NBPF26: variants seen among roughly 807,000 people sequenced by gnomAD.
The protein encoded by NBPF26 is NBPF family member NBPF26.
In NBPF26, 79 loss-of-function variants were observed where a neutral mutation model predicts 119.6. The observed-to-expected ratio is 0.66, with a 90% confidence interval of 0.55 to 0.80. NBPF26 has a LOEUF of 0.80. NBPF26 is among the 30% of genes least tolerant of loss of function. NBPF26 has a pLI of 0.00. For synonymous variants in NBPF26, 299 were observed against 457.7 expected (o/e 0.65, Z 4.43); for missense variants, 800 against 1,198.2 (o/e 0.67, Z 4.91).
intron 2 of NBPF26, among the ~76,000 whole-genome samples, chr1:120,780,018 G>A (rs1424159628): frequency 7.6e-6 from 1 of 131,546 alleles, no homozygotes; most frequent in Middle Eastern, 3.4e-3. Context: ...GATTTGGCCT[G>A]TTATTCTACC....
At position 120,764,010 on chromosome 1, in the gene NBPF26, A is replaced by G. The variant is rs1398223008; in HGVS notation, c.155+301A>G. Among the ~76,000 whole-genome samples the G allele has an allele frequency of 1.0e-4, 12 of 115,030 alleles. 2 individuals are homozygous for G. The highest frequency in any genetic ancestry group is 7.6e-4 in the Admixed American group (9 of 11,894). The allele number at this position is 115,030 out of a possible 152,430, so 75.5% of individuals were successfully genotyped here. ...ATGCTGGTAATCCCAGCACTTCAGG[A>G]GGCTGAGTTGGGCGAATCACGAGGT... On this transcript the variant is annotated intron_variant, in intron 2 of 29. Transcript: ENST00000620612.
rs1651397634 is a variant in NBPF26, at chr1:120,784,255, A to G, written c.156-719A>G. ...GTCTAGTTTCACATAAAGCAAATAT[A>G]TGGTTCTGTACACCGGCTTTAGGAG... is the stretch of plus-strand genomic sequence containing the variant. On this transcript the variant is annotated intron_variant, in intron 2 of 29. Transcript: ENST00000620612. 1.7e-5 allele frequency among the ~76,000 whole-genome samples: 2 copies of G among 118,712 alleles called. 1 individual carries two copies. The highest frequency in any genetic ancestry group is 3.3e-5 in the Non-Finnish European group (2 of 61,528). The allele number at this position is 118,712 out of a possible 152,430, so 77.9% of individuals were successfully genotyped here.
At position 120,756,356 on chromosome 1, in the gene NBPF26, AT is replaced by A. The variant is rs1447842674; in HGVS notation, c.74-7269del. 1.7e-5 allele frequency among the ~76,000 whole-genome samples: 2 copies of A among 117,748 alleles called. 1 individual carries two copies. Among genetic ancestry groups the A allele is most frequent in the African/African-American group, 9.7e-5 (2 of 20,634 alleles). 77.2% of individuals were successfully genotyped at this position (117,748 alleles called of 152,430 possible). On this transcript the variant is annotated intron_variant, in intron 1 of 29. Coordinates refer to ENST00000620612, the Ensembl canonical transcript of NBPF26. ...CATCTCTCAAATATTGCTACTTGAA[AT>A]TTGCATAAACGTTGAAGAAAAAGTT...
At chr1:120,784,535 AT>A (rs1392622088) in intron 2 of NBPF26, among the ~76,000 whole-genome samples, 1 of 116,560 alleles carries the variant, frequency 8.6e-6, no homozygotes, top group Non-Finnish European at 1.6e-5. Context: ...CTCTCACCTT[AT>A]TTAGGTCTCA....
chr1:120,802,333 C>T (rs1334844513), intron 4 of NBPF26, among the ~76,000 whole-genome samples: 1 of 125,702 alleles, frequency 8.0e-6, no homozygotes, highest in East Asian at 2.0e-4. Flanking sequence ...GGGGTAGGAC[C>T]CATTGAGCTG....
chr1:120,805,983 G>A (rs1651672158), intron 5 of NBPF26, among the ~76,000 whole-genome samples: 1 of 110,560 alleles, frequency 9.0e-6, no homozygotes, highest in Admixed American at 8.9e-5. Context: ...TGGAACTAGA[G>A]TTAAACTCAC....
rs1462706878 is a variant in NBPF26 at position 120,804,634 on chromosome 1, G to C, written c.752-922G>C. ...CTTGAAAAGAGGTCTTGTGGCACTA[G>C]AATGACATCTATAAGTGACAAGTTT... On this transcript the variant is annotated intron_variant, in intron 4 of 29. Transcript: ENST00000620612. 5.0e-5 allele frequency among the ~76,000 whole-genome samples: 6 copies of C among 119,366 alleles called. 1 individual carries two copies. Among genetic ancestry groups the C allele is most frequent in the Non-Finnish European group, 9.9e-5 (6 of 60,734 alleles). 78.3% of individuals were successfully genotyped at this position (119,366 alleles called of 152,430 possible).
At chr1:120,823,615 T>A (rs1269564740) in intron 17 of NBPF26, among the ~76,000 whole-genome samples, 2 of 124,584 alleles carry the variant, frequency 1.6e-5, no homozygotes, top group Non-Finnish European at 3.3e-5. Flanking sequence ...GCAGGGAAAC[T>A]TGACCACATT....
chr1:120,840,705 G>A, downstream of NBPF26: 1 of 1,253,154 alleles, frequency 8.0e-7, no homozygotes, highest in Non-Finnish European at 1.1e-6. Context: ...GGATGGTTCA[G>A]TGGGCATGGC....
intron 1 of NBPF26, among the ~76,000 whole-genome samples, chr1:120,758,949 A>G (rs1173367713): frequency 1.9e-5 from 2 of 103,344 alleles, no homozygotes; most frequent in Non-Finnish European, 3.6e-5. Flanking sequence ...CTTTTTATAC[A>G]TTACTGGGTT....
Position 120,792,454 on chromosome 1 carries a change from A to C in NBPF26, c.416-707A>C, listed in dbSNP as rs1200390168. 3.1e-5 allele frequency among the ~76,000 whole-genome samples: 3 copies of C among 95,942 alleles called. 1 individual carries two copies. The highest frequency in any genetic ancestry group is 1.9e-5 in the Non-Finnish European group (1 of 52,400). The allele number at this position is 95,942 out of a possible 152,430, so 62.9% of individuals were successfully genotyped here. On this transcript the variant is annotated intron_variant, in intron 3 of 29. Coordinates refer to ENST00000620612, the Ensembl canonical transcript of NBPF26. ...GACTTTACAGAGGTTGGAACTTTTG[A>C]GTACAGTTGCCAAGATAGGGAGAGT...
rs1243195210 is a variant in NBPF26 at position 120,768,210 on chromosome 1, C to G, written c.155+4501C>G. On this transcript the variant is annotated intron_variant, in intron 2 of 29. Coordinates refer to ENST00000620612, the Ensembl canonical transcript of NBPF26. ...TTAGTCATGGGATAGGGCTCTTATT[C>G]CCAAGATGGGACCCTTCTAGGGGTT... 4.5e-4 allele frequency among the ~76,000 whole-genome samples: 51 copies of G among 114,436 alleles called. 19 individuals are homozygous for G. Among genetic ancestry groups the G allele is most frequent in the African/African-American group, 2.5e-3 (47 of 18,982 alleles). 75.1% of individuals were successfully genotyped at this position (114,436 alleles called of 152,430 possible).
At chr1:120,785,117 A>G (rs1309904304) in exon 3 of NBPF26, 1 of 1,446,212 alleles carries the variant, frequency 6.9e-7, no homozygotes, top group Non-Finnish European at 9.2e-7. Context: ...ACAGGAGAGG[A>G]CTGCCAGTAC....
At chr1:120,728,762 C>T (rs1490785872) in intron 1 of NBPF26, among the ~76,000 whole-genome samples, 1 of 114,602 alleles carries the variant, frequency 8.7e-6, no homozygotes, top group South Asian at 2.5e-4. Context: ...TTGGATATTG[C>T]AAACTTGTAC....
rs1553271035 is a variant in NBPF26, at chr1:120,811,950, C to G, written c.1629C>G (p.Gly543=). Residue 543 remains glycine (G), a synonymous_variant, in exon 10 of 30, where the codon GGC becomes GGG. Transcript: ENST00000620612. ...TGGTATCAGCCGGCCCTTTGTCCGGCGAGAAGGCAGCGATAAACATTCTAG... is the reference window on the plus strand; with the variant it reads ...TGGTATCAGCCGGCCCTTTGTCCGGGGAGAAGGCAGCGATAAACATTCTAG... 3.6e-5 allele frequency: 44 copies of G among 1,222,956 alleles called. 12 individuals carry two copies. The highest frequency in any genetic ancestry group is 2.9e-4 in the African/African-American group (10 of 34,244). 75.8% of individuals were successfully genotyped at this position (1,222,956 alleles called of 1,614,324 possible). A position where few individuals can be genotyped will look rare whatever the true frequency, so the allele number is the denominator to read the frequency against.
intron 1 of NBPF26, among the ~76,000 whole-genome samples, chr1:120,750,506 C>A (rs1484206709): frequency 9.4e-6 from 1 of 106,922 alleles, no homozygotes; most frequent in East Asian, 2.2e-4. Flanking sequence ...GGAGTACTAT[C>A]AGATGCCTTG....
chr1:120,814,636 C>T lies in NBPF26; in HGVS notation c.1878-193C>T, dbSNP rs1379454824. 2.4e-5 allele frequency among the ~76,000 whole-genome samples: 3 copies of T among 123,384 alleles called. 1 individual carries two copies. The highest frequency in any genetic ancestry group is 5.0e-5 in the Non-Finnish European group (3 of 60,384). The allele number at this position is 123,384 out of a possible 152,430, so 80.9% of individuals were successfully genotyped here. ...ACATCATCGAGGATCTTGCAAGAGCCCTCTCTGATTCAGAGGAAGCCTGTA... is the reference window on the plus strand; with the variant it reads ...ACATCATCGAGGATCTTGCAAGAGCTCTCTCTGATTCAGAGGAAGCCTGTA... On this transcript the variant is annotated intron_variant, in intron 11 of 29. Coordinates refer to ENST00000620612, the Ensembl canonical transcript of NBPF26.
At chr1:120,758,998 A>G (rs1651105355) in intron 1 of NBPF26, among the ~76,000 whole-genome samples, 2 of 111,542 alleles carry the variant, frequency 1.8e-5, no homozygotes, top group Admixed American at 1.7e-4. Context: ...ACTGTCCTAA[A>G]TTATTTTATT....
intron 1 of NBPF26, among the ~76,000 whole-genome samples, chr1:120,752,552 A>ATTTTTT (rs1386751525): frequency 5.6e-3 from 50 of 8,972 alleles, no homozygotes; most frequent in Non-Finnish European, 7.0e-3. Flanking sequence ...ATATATATAT[A>ATTTTTT]TATTTTTTTT....
Sources: allele counts gnomAD v4.1 joint callset (sites outside exome capture counted in the v4.1 genomes callset), GRCh38; gene constraint gnomAD v4.1.1; transcripts MANE v1.5; gene names NCBI Gene and HGNC (gene_info 2026-07-23, HGNC 2026-07-21).